ADGRV1: variants seen among roughly 807,000 people sequenced by gnomAD.
ADGRV1 encodes the protein adhesion G protein-coupled receptor V1.
A neutral mutation model predicts 596.2 loss-of-function variants in ADGRV1; 359 were observed. The ratio of observed to expected loss-of-function variants is 0.60; its 90% CI spans 0.55 to 0.66. The LOEUF is 0.66. Among genes scored for constraint, ADGRV1 ranks in the 30% least tolerant of loss-of-function variants. The pLI, the probability that ADGRV1 is intolerant of heterozygous loss-of-function variation, is 0.00. For missense variants in ADGRV1, 7,274 were observed against 7,575.6 expected, an observed-to-expected ratio of 0.96 and a Z score of 1.48; for synonymous variants, 2,681 against 2,679.2, an observed-to-expected ratio of 1.00 and a Z score of -0.02.
Position 90,628,686 on chromosome 5 carries a change from G to C in ADGRV1, c.1363G>C (p.Val455Leu). The change falls in exon 8 of 90, where the codon GTT becomes CTT. Residue 455 changes from valine to leucine, a missense_variant. Val to Leu is a conservative substitution (Grantham distance 32, BLOSUM62 1). Coordinates refer to ENST00000405460, the MANE Select transcript of ADGRV1 (RefSeq NM_032119.4). ...VTADIRPSSG[V>L]LHFAQGQMLA... ...AGCAGATATCAGACCGAGCTCTGGA[G>C]TTCTCCATTTTGCACAAGGGCAGAT... The C allele has an allele frequency of 6.2e-7, 1 of 1,614,008 alleles. No individual in the cohort carries two copies. Among genetic ancestry groups the C allele is most frequent in the Non-Finnish European group, 8.5e-7 (1 of 1,179,894 alleles).
At chr5:91,030,948 C>T in intron 85 of ADGRV1, 1 of 990,986 alleles carries the variant, frequency 1.0e-6, no homozygotes, top group Non-Finnish European at 1.5e-6. Flanking sequence ...ATAGTACTGG[C>T]AGTTTTGTAA....
intron 1 of ADGRV1, among the ~76,000 whole-genome samples, chr5:90,584,095 G>T (rs1216750793): frequency 6.6e-6 from 1 of 152,084 alleles, no homozygotes; most frequent in Non-Finnish European, 1.5e-5. Context: ...TTCACAATGG[G>T]CATACTAATA....
intron 86 of ADGRV1, among the ~76,000 whole-genome samples, chr5:91,074,102 C>T (rs965707541): frequency 6.6e-6 from 1 of 152,154 alleles, no homozygotes; most frequent in Non-Finnish European, 1.5e-5. Flanking sequence ...TATCTAGAAG[C>T]TATGCTTGTT....
chr5:90,803,240 C>G (rs1430956237), intron 71 of ADGRV1, among the ~76,000 whole-genome samples: 1 of 151,908 alleles, frequency 6.6e-6, no homozygotes, highest in Non-Finnish European at 1.5e-5. Context: ...TTTACAGGGG[C>G]GAGTTTGTCT....
At chr5:90,911,178 G>A (rs972610954) in intron 83 of ADGRV1, among the ~76,000 whole-genome samples, 4 of 152,170 alleles carry the variant, frequency 2.6e-5, no homozygotes, top group African/African-American at 9.7e-5. Flanking sequence ...AGTAATTATG[G>A]CTGTAAAATC....
intron 87 of ADGRV1, among the ~76,000 whole-genome samples, chr5:91,114,272 A>G (rs901488288): frequency 6.6e-6 from 1 of 151,920 alleles, no homozygotes; most frequent in African/African-American, 2.4e-5. Context: ...CAAGCCTGTA[A>G]TCCCAGCACT....
intron 83 of ADGRV1, among the ~76,000 whole-genome samples, chr5:90,905,226 T>C (rs1772204106): frequency 1.3e-5 from 2 of 152,112 alleles, no homozygotes. Context: ...TCTGGGTCTT[T>C]TCTGGCTCCA....
chr5:90,719,130 G>A (rs2149760978), intron 43 of ADGRV1, among the ~76,000 whole-genome samples: 1 of 152,138 alleles, frequency 6.6e-6, no homozygotes, highest in South Asian at 2.1e-4. Flanking sequence ...AGGAGTTCGA[G>A]ACCAGCCTGG....
intron 83 of ADGRV1, among the ~76,000 whole-genome samples, chr5:90,950,603 T>G (rs1776976689): frequency 6.6e-6 from 1 of 152,174 alleles, no homozygotes; most frequent in South Asian, 2.1e-4. Context: ...ATTACAGGCA[T>G]GAGCCACTGC....
chr5:90,628,259 A>AT (rs1765056467), intron 7 of ADGRV1, among the ~76,000 whole-genome samples: 4 of 151,598 alleles, frequency 2.6e-5, no homozygotes, highest in African/African-American at 7.3e-5. Flanking sequence ...ATAAAATAAA[A>AT]AGATTAGCTG....
chr5:90,994,181 G>A (rs1781217743), intron 85 of ADGRV1, among the ~76,000 whole-genome samples: 2 of 151,326 alleles, frequency 1.3e-5, no homozygotes, highest in African/African-American at 2.4e-5. Context: ...TCCTGCCTCC[G>A]CCTCCCAAGT....
intron 85 of ADGRV1, among the ~76,000 whole-genome samples, chr5:91,019,784 T>C (rs1562098555): frequency 6.6e-6 from 1 of 152,180 alleles, no homozygotes; most frequent in East Asian, 1.9e-4. Flanking sequence ...TATTTTCTAT[T>C]TCTCCACATC....
chr5:90,736,562 GT>G (rs1326711721), intron 50 of ADGRV1, among the ~76,000 whole-genome samples: 2 of 151,982 alleles, frequency 1.3e-5, no homozygotes, highest in Non-Finnish European at 2.9e-5. Context: ...CTCTTGAAAT[GT>G]TTGGTAGCAT....
intron 85 of ADGRV1, among the ~76,000 whole-genome samples, chr5:91,070,622 T>C (rs1017833511): frequency 2.6e-5 from 4 of 152,228 alleles, no homozygotes; most frequent in African/African-American, 9.6e-5. Flanking sequence ...TCATGCAAGA[T>C]TTTATGTAAA....
At chr5:90,667,931 G>A (rs1580667019) in intron 21 of ADGRV1, among the ~76,000 whole-genome samples, 1 of 151,630 alleles carries the variant, frequency 6.6e-6, no homozygotes, top group African/African-American at 2.4e-5. Context: ...CGGGGGTCAG[G>A]GGTCAGGCAC....
chr5:90,627,917 GACACACAC>G (rs3041948), intron 7 of ADGRV1, 141 bp downstream of exon 7: 836 of 229,816 alleles, frequency 3.6e-3, no homozygotes, highest in Middle Eastern at 0.014. Context: ...ACTCAGAAAA[GACACACAC>G]ACACACACAC....
intron 74 of ADGRV1, among the ~76,000 whole-genome samples, chr5:90,815,123 G>C (rs1581209013): frequency 6.6e-6 from 1 of 151,852 alleles, no homozygotes; most frequent in East Asian, 1.9e-4. Flanking sequence ...TAGCATAGAG[G>C]GTCTTTTAAT....
intron 85 of ADGRV1, among the ~76,000 whole-genome samples, chr5:90,987,216 C>G (rs926942175): frequency 6.6e-6 from 1 of 152,126 alleles, no homozygotes; most frequent in Non-Finnish European, 1.5e-5. Flanking sequence ...CGTGGTAGCT[C>G]ACGCCTGTAA....
At chr5:90,982,881 A>T (rs1169138696) in intron 84 of ADGRV1, among the ~76,000 whole-genome samples, 1 of 152,208 alleles carries the variant, frequency 6.6e-6, no homozygotes, top group East Asian at 1.9e-4. Flanking sequence ...AGGGCTGCTC[A>T]TGAGCTAGGC....
Sources: gnomAD v4.1 joint callset for allele counts (sites outside exome capture counted in the v4.1 genomes callset) on GRCh38, gnomAD v4.1.1 for gene constraint, MANE v1.5 for transcripts, NCBI Gene and HGNC (gene_info 2026-07-23, HGNC 2026-07-21) for gene names.